PIGN: variants seen among roughly 807,000 people sequenced by gnomAD.
PIGN encodes the protein phosphatidylinositol glycan anchor biosynthesis class N.
In PIGN, 117 loss-of-function variants were observed where a neutral mutation model predicts 125.4. The ratio of observed to expected loss-of-function variants is 0.93; its 90% CI spans 0.80 to 1.09. The LOEUF is 1.09. PIGN is among the 50% of genes least tolerant of loss of function. The pLI is 0.00. For missense variants in PIGN, 1,075 were observed against 1,094.9 expected (o/e 0.98, Z 0.26); for synonymous variants, 392 against 377.8 (o/e 1.04, Z -0.44).
chr18:62,031,776 G>C (rs1712875508), intron 23 of PIGN, among the ~76,000 whole-genome samples: 1 of 152,124 alleles, frequency 6.6e-6, no homozygotes, highest in African/African-American at 2.4e-5. Flanking sequence ...ATGTGTCAAA[G>C]TACTAAACAA....
rs550779204 is a variant in PIGN, at chr18:62,113,292, G to T, written c.1276C>A (p.His426Asn). ...EVVSLCKELIHLALKGLSYYH... is the reference protein window; with the variant it reads ...EVVSLCKELINLALKGLSYYH... Reference sequence around the variant, plus strand: ...TAGGACAATCCTTTCAATGCAAGATGAATTAGCTCCTTGCAAAGGGAGACC... The same window carrying T: ...TAGGACAATCCTTTCAATGCAAGATTAATTAGCTCCTTGCAAAGGGAGACC... Residue 426 changes from histidine to asparagine, a missense_variant, in exon 16 of 31, where the codon CAT (histidine) becomes AAT (asparagine). Around this residue, in one of 3 missense-constraint regions of PIGN, gnomAD observed 915 missense variants for 908.7 expected, o/e 1.01. Transcript: ENST00000640252. 8.7e-6 allele frequency: 14 copies of T among 1,609,428 alleles called. No homozygotes were observed. In the African/African-American group the frequency reaches 1.9e-4, roughly 21 times the overall value.
intron 11 of PIGN, among the ~76,000 whole-genome samples, chr18:62,141,893 C>T (rs2036149780): frequency 6.6e-6 from 1 of 152,202 alleles, no homozygotes; most frequent in Non-Finnish European, 1.5e-5. Context: ...ACCATGTACC[C>T]TCTCACCAGA....
intron 7 of PIGN, among the ~76,000 whole-genome samples, chr18:62,150,396 T>G (rs756468006): frequency 1.3e-5 from 2 of 152,122 alleles, no homozygotes; most frequent in South Asian, 4.1e-4. Context: ...CACAATAAAG[T>G]ATTAAGGGAA....
intron 1 of PIGN, among the ~76,000 whole-genome samples, chr18:62,174,599 T>C (rs1400384319): frequency 6.6e-6 from 1 of 152,202 alleles, no homozygotes; most frequent in Non-Finnish European, 1.5e-5. Flanking sequence ...TAAACAATTA[T>C]AAAGACTTAA....
intron 30 of PIGN, among the ~76,000 whole-genome samples, chr18:62,047,446 C>T (rs534974242): frequency 1.3e-5 from 2 of 152,234 alleles, no homozygotes; most frequent in Non-Finnish European, 2.9e-5. Context: ...ATTCCACCTC[C>T]ACTCAGAGGT....
At chr18:62,091,461 A>G (rs1277119662) in intron 23 of PIGN, among the ~76,000 whole-genome samples, 1 of 152,214 alleles carries the variant, frequency 6.6e-6, no homozygotes, top group East Asian at 1.9e-4. Context: ...TCTCAAAAAT[A>G]TTCATATACT....
chr18:62,162,575 A>T (rs2036993781), intron 2 of PIGN: 1 of 152,180 alleles, frequency 6.6e-6, no homozygotes, highest in African/African-American at 2.4e-5. Flanking sequence ...TATAAAAAAG[A>T]AAACATGATA....
chr18:62,084,812 A>G (rs1483238568), intron 26 of PIGN, among the ~76,000 whole-genome samples: 1 of 152,224 alleles, frequency 6.6e-6, no homozygotes, highest in Non-Finnish European at 1.5e-5. Context: ...ATTCAGTATA[A>G]AAAGCAAGGT....
In PIGN at chr18:62,148,262, T is replaced by C; in HGVS notation, c.626A>G (p.His209Arg). The C allele has an allele frequency of 6.5e-7, 1 of 1,538,782 alleles. No individual in the cohort carries two copies. Among genetic ancestry groups the C allele is most frequent in the South Asian group, 1.2e-5 (1 of 81,030 alleles). ...INEEKIVFFLHLLGIDTNGHA... is the reference protein window; with the variant it reads ...INEEKIVFFLRLLGIDTNGHA... ...TCCGTTTGTATCTATTCCTAATAAATGTAAGAAAAAAACTATTTTCTCTTC... is the reference window on the plus strand; with the variant it reads ...TCCGTTTGTATCTATTCCTAATAAACGTAAGAAAAAAACTATTTTCTCTTC... Residue 209 changes from histidine to arginine, a missense_variant, in exon 8 of 31, where the codon CAT (histidine) becomes CGT (arginine). This residue lies in a region of PIGN where 915 missense variants were observed against 908.7 expected (regional missense o/e 1.01). Coordinates refer to ENST00000640252, the MANE Select transcript of PIGN (RefSeq NM_176787.5).
intron 30 of PIGN, chr18:62,051,769 T>C (rs2031316284): frequency 6.6e-6 from 1 of 152,216 alleles, no homozygotes; most frequent in African/African-American, 2.4e-5. Flanking sequence ...GCTCTTTCTT[T>C]TCTAGTTCGT....
At chr18:62,152,128 T>A (rs1455020401) in intron 7 of PIGN, among the ~76,000 whole-genome samples, 2 of 152,104 alleles carry the variant, frequency 1.3e-5, no homozygotes, top group Admixed American at 1.3e-4. Flanking sequence ...GGGGGGAAAT[T>A]TAAAAATTTT....
intron 14 of PIGN, among the ~76,000 whole-genome samples, chr18:62,126,764 T>A (rs2035549621): frequency 6.6e-6 from 1 of 152,122 alleles, no homozygotes; most frequent in East Asian, 1.9e-4. Flanking sequence ...GAGCTTTAGA[T>A]TCAGATTTCC....
intron 14 of PIGN, among the ~76,000 whole-genome samples, chr18:62,116,589 C>T (rs911424055): frequency 3.3e-5 from 5 of 152,234 alleles, no homozygotes; most frequent in Non-Finnish European, 5.9e-5. Flanking sequence ...TACTCCAAAT[C>T]TCACTTCACA....
At chr18:62,084,866 G>C (rs2033621428) in intron 26 of PIGN, among the ~76,000 whole-genome samples, 1 of 152,202 alleles carries the variant, frequency 6.6e-6, no homozygotes, top group South Asian at 2.1e-4. Flanking sequence ...CCAGCACTTT[G>C]GCAGGCTGAG....
At chr18:62,087,489 G>A (rs2033761692) in intron 25 of PIGN, among the ~76,000 whole-genome samples, 1 of 152,124 alleles carries the variant, frequency 6.6e-6, no homozygotes, top group Non-Finnish European at 1.5e-5. Context: ...AGAAAATAAT[G>A]GCAGCAACTA....
chr18:62,089,348 T>C, intron 24 of PIGN, among the ~76,000 whole-genome samples: 1 of 152,104 alleles, frequency 6.6e-6, no homozygotes, highest in East Asian at 1.9e-4. Context: ...AGCCACTCAA[T>C]CCAACAAGGT....
chr18:62,120,534 G>A (rs571760207), intron 14 of PIGN, among the ~76,000 whole-genome samples: 1 of 151,928 alleles, frequency 6.6e-6, no homozygotes, highest in South Asian at 2.1e-4. Context: ...GATAATACAA[G>A]GCAAAAAGTT....
At chr18:62,068,075 T>C (rs1295050772) in intron 30 of PIGN, among the ~76,000 whole-genome samples, 2 of 151,376 alleles carry the variant, frequency 1.3e-5, no homozygotes, top group East Asian at 3.9e-4. Context: ...ACATATATCA[T>C]AGCAATGAAA....
chr18:62,147,886 T>C (rs1258566028), intron 8 of PIGN, among the ~76,000 whole-genome samples: 1 of 152,166 alleles, frequency 6.6e-6, no homozygotes, highest in Non-Finnish European at 1.5e-5. Context: ...GTTAATACCA[T>C]AAAATGCTTT....
Sources: allele counts gnomAD v4.1 joint callset (sites outside exome capture counted in the v4.1 genomes callset), GRCh38; gene constraint gnomAD v4.1.1; regional missense constraint gnomAD v4.1.1; transcripts MANE v1.5; gene names NCBI Gene and HGNC (gene_info 2026-07-23, HGNC 2026-07-21).